SLC38A7: variants seen among roughly 807,000 people sequenced by gnomAD.
The protein encoded by SLC38A7 is solute carrier family 38 member 7.
Under a neutral mutation model 50.1 loss-of-function variants are expected in SLC38A7, and 29 were observed. The ratio of observed to expected loss-of-function variants is 0.58; its 90% CI spans 0.43 to 0.79. The LOEUF (loss-of-function observed/expected upper bound fraction) is 0.79, where lower values mean the gene tolerates loss of function less well. SLC38A7 is among the 30% of genes least tolerant of loss of function. The pLI is 0.00. For missense variants in SLC38A7, 483 were observed against 610.6 expected (o/e 0.79, Z 2.20); for synonymous variants, 244 against 245.9 (o/e 0.99, Z 0.07).
chr16:58,675,397 C>T (rs892123547), intron 8 of SLC38A7: 8 of 399,252 alleles, frequency 2.0e-5, no homozygotes, highest in East Asian at 7.2e-5. Context: ...TGGCTGTAGT[C>T]CCAGCTACTC....
rs1597666822 is a variant in SLC38A7 at position 58,672,182 on chromosome 16, G to A, written c.945C>T (p.Pro315=). 6.4e-7 allele frequency: 1 copy of A among 1,574,008 alleles called. No homozygotes were observed. The highest frequency in any genetic ancestry group is 1.3e-5 in the African/African-American group (1 of 74,170). ...AVDPDVLLSY[P]SEDMAVAVAR... Reference sequence around the variant, plus strand: ...CAACGGCCACGGCCATGTCCTCCGAGGGATAGGACAGGAGCACGTCAGGAT... The same window carrying A: ...CAACGGCCACGGCCATGTCCTCCGAAGGATAGGACAGGAGCACGTCAGGAT... The change falls in exon 9 of 12, where the codon CCC becomes CCT. Residue 315 remains proline (P), a synonymous_variant. Coordinates refer to ENST00000219320, the MANE Select transcript of SLC38A7 (RefSeq NM_018231.3).
At chr16:58,676,392 G>T in intron 6 of SLC38A7, 46 bp from the exon 7 acceptor site, 2 of 1,607,246 alleles carry the variant, frequency 1.2e-6, no homozygotes, top group South Asian at 1.1e-5. Flanking sequence ...ACCCCTCAGA[G>T]CCACAACCCA....
intron 8 of SLC38A7, among the ~76,000 whole-genome samples, chr16:58,674,977 G>A: frequency 6.6e-6 from 1 of 152,134 alleles, no homozygotes; most frequent in Non-Finnish European, 1.5e-5. Context: ...AACAGGATCT[G>A]GCTGCCAGTG....
At chr16:58,680,893 C>T (rs2044375552) in intron 2 of SLC38A7, among the ~76,000 whole-genome samples, 1 of 152,154 alleles carries the variant, frequency 6.6e-6, no homozygotes, top group African/African-American at 2.4e-5. Flanking sequence ...GCTTCTAATG[C>T]TCCCAACTCC....
At chr16:58,679,236 A>C (rs775480292) in intron 3 of SLC38A7, among the ~76,000 whole-genome samples, 70 of 152,144 alleles carry the variant, frequency 4.6e-4, no homozygotes, top group Admixed American at 9.2e-4. Flanking sequence ...TACTAAAAAT[A>C]CAAAAATTAG....
At chr16:58,672,016 G>A in intron 9 of SLC38A7, 80 bp downstream of exon 9, 1 of 1,405,474 alleles carries the variant, frequency 7.1e-7, no homozygotes, top group Non-Finnish European at 9.4e-7. Context: ...TACAGGATGG[G>A]GTCCACACAA....
At chr16:58,675,587 A>G (rs2044248546) in intron 8 of SLC38A7, among the ~76,000 whole-genome samples, 1 of 152,292 alleles carries the variant, frequency 6.6e-6, no homozygotes, top group South Asian at 2.1e-4. Context: ...GCTTGCCACC[A>G]TCTGGAATTC....
Position 58,678,917 on chromosome 16 carries a change from A to G in SLC38A7, c.271-23T>C. 2 of 1,607,124 alleles carry G rather than the reference A, an allele frequency of 1.2e-6. No individual in the cohort carries two copies. Among genetic ancestry groups the G allele is most frequent in the Non-Finnish European group, 1.7e-6 (2 of 1,178,682 alleles). On this transcript the variant is annotated intron_variant, in intron 3 of 11. Coordinates refer to ENST00000219320, the MANE Select transcript of SLC38A7 (RefSeq NM_018231.3). This position sits in a 1 kb window ranked among gnomAD's most constrained non-coding sequence, Gnocchi z 4.0. ...ACCCTGCAGGCAGAGGCAGAACAAG[A>G]GCTTGTGGCAAAGGCCTGGCAGCAG...
intron 9 of SLC38A7, chr16:58,671,759 G>A (rs926140072): frequency 1.4e-5 from 3 of 210,720 alleles, no homozygotes; most frequent in African/African-American, 4.7e-5. Context: ...GTGTAGAGAT[G>A]GGGTCTCACT....
At position 58,680,098 on chromosome 16, in the gene SLC38A7, T is replaced by C. The variant is rs151075190; in HGVS notation, c.29A>G (p.Tyr10Cys). The C allele has an allele frequency of 2.1e-3, 3,202 of 1,544,530 alleles. 37 individuals are homozygous for C. The highest frequency in any genetic ancestry group is 9.6e-3 in the East Asian group (424 of 44,170). MAQVSINND[Y>C]SEWDLSTDAG... ...ATCCGTGCTCAAGTCCCACTCGCTG[T>C]AGTCATTGTTGATGCTGACCTGGGC... is the stretch of plus-strand genomic sequence containing the variant. The change falls in exon 3 of 12, where the codon TAC becomes TGC. Residue 10 changes from tyrosine (Y) to cysteine (C), a missense_variant. Transcript: ENST00000219320.
chr16:58,671,044 C>G lies in SLC38A7; in HGVS notation c.1231+1G>C, dbSNP rs1377682649. On this transcript the variant is annotated splice_donor_variant, in intron 10 of 11. Transcript: ENST00000219320. LOFTEE classifies it high-confidence loss of function. ...TGAGATGGGGCGCCAGGGGTCCGCA[C>G]CTGGGAAGACGAAGATGAAGCAGGC... The G allele has an allele frequency of 8.2e-6, 13 of 1,590,168 alleles. No individual in the cohort carries two copies. Among genetic ancestry groups the G allele is most frequent in the Non-Finnish European group, 1.0e-5 (12 of 1,169,254 alleles).
At position 58,672,008 on chromosome 16, in the gene SLC38A7, C is replaced by T; in HGVS notation, c.1031+88G>A. The T allele has an allele frequency of 1.4e-6, 2 of 1,380,284 alleles. 1 individual carries two copies. Among genetic ancestry groups the T allele is most frequent in the South Asian group, 3.1e-5 (2 of 64,918 alleles). 85.5% of individuals were successfully genotyped at this position (1,380,284 alleles called of 1,614,324 possible). A position where few individuals can be genotyped will look rare whatever the true frequency, so the allele number is the denominator to read the frequency against. On this transcript the variant is annotated intron_variant, in intron 9 of 11. Transcript: ENST00000219320. ...CTACAGGCTTCAGTTTCTCCTTCTA[C>T]AGGATGGGGTCCACACAAGGCCAAA... is the stretch of plus-strand genomic sequence containing the variant.
Position 58,683,988 on chromosome 16 carries a change from C to G in SLC38A7, c.-149G>C, listed in dbSNP as rs1418158757. 1.3e-5 allele frequency: 2 copies of G among 152,376 alleles called. No homozygotes were observed. The highest frequency in any genetic ancestry group is 1.5e-5 in the Non-Finnish European group (1 of 68,164). The allele number at this position is 152,376 out of a possible 1,614,324, so 9.4% of individuals were successfully genotyped here. ...TCTCCCTGATGGGCTGTGCCAGAGG[C>G]GGTTGCTCCTTCTCCCCAAAGGTCT... On this transcript the variant is annotated 5_prime_UTR_variant, in exon 2 of 12. Coordinates refer to ENST00000219320, the MANE Select transcript of SLC38A7 (RefSeq NM_018231.3).
At chr16:58,676,409 G>T in intron 6 of SLC38A7, 63 bp from the exon 7 acceptor site, 1 of 1,573,992 alleles carries the variant, frequency 6.4e-7, no homozygotes, top group Non-Finnish European at 8.7e-7. Flanking sequence ...CCCACCCCAC[G>T]CCCTCACTCT....
At chr16:58,679,692 G>T in intron 3 of SLC38A7, 165 bp downstream of exon 3, 2 of 858,614 alleles carry the variant, frequency 2.3e-6, no homozygotes, top group South Asian at 1.9e-5. Context: ...GCCTCATTTG[G>T]GTCACAGGAA....
At chr16:58,676,196 C>T (rs1410187141) in intron 7 of SLC38A7, 93 bp downstream of exon 7, 1 of 1,585,042 alleles carries the variant, frequency 6.3e-7, no homozygotes. Flanking sequence ...AGGATTTCCT[C>T]CATTCTGCCT....
chr16:58,678,579 C>T lies in SLC38A7; in HGVS notation c.470-105G>A. ...TCCCTCTGCCTGGAGGGAGGATTCC[C>T]AGATGAATGCTGGGCCCAGGTAAGT... On this transcript the variant is annotated intron_variant, in intron 4 of 11. Coordinates refer to ENST00000219320, the MANE Select transcript of SLC38A7 (RefSeq NM_018231.3). The surrounding 1 kb of genome is among the most constrained non-coding windows in gnomAD (Gnocchi z 4.0). 6.4e-7 allele frequency: 1 copy of T among 1,556,314 alleles called. No individual in the cohort carries two copies. The highest frequency in any genetic ancestry group is 8.7e-7 in the Non-Finnish European group (1 of 1,143,704).
chr16:58,668,867 G>C (rs955548366), intron 11 of SLC38A7, among the ~76,000 whole-genome samples: 1 of 151,078 alleles, frequency 6.6e-6, no homozygotes, highest in Non-Finnish European at 1.5e-5. Context: ...CCGCCTCCGG[G>C]GTTCAAGCAA....
Position 58,677,615 on chromosome 16 carries a change from G to T in SLC38A7, c.612-191C>A, listed in dbSNP as rs576020440. On this transcript the variant is annotated intron_variant, in intron 5 of 11. Transcript: ENST00000219320. ...ACCTGCCACAGCTAGGAAGGAGCTG[G>T]ACAGCCAACAGGGGACCTGATCAGC... 1.4e-4 allele frequency: 83 copies of T among 589,020 alleles called. 3 individuals are homozygous for T. In the East Asian group the frequency reaches 2.4e-3, roughly 17 times the overall value. The allele number at this position is 589,020 out of a possible 1,614,324, so 36.5% of individuals were successfully genotyped here. A position where few individuals can be genotyped will look rare whatever the true frequency, so the allele number is the denominator to read the frequency against.
Sources: allele counts gnomAD v4.1 joint callset (sites outside exome capture counted in the v4.1 genomes callset), GRCh38; gene constraint gnomAD v4.1.1; non-coding constraint Gnocchi (gnomAD v3.1); transcripts MANE v1.5; gene names NCBI Gene and HGNC (gene_info 2026-07-23, HGNC 2026-07-21).